The following CFAP54 variants were observed in gnomAD, a reference collection of about 807,000 sequenced individuals.
The protein encoded by CFAP54 is cilia- and flagella-associated protein 54.
In CFAP54, 290 loss-of-function variants were observed where a neutral mutation model predicts 370.4. The ratio of observed to expected loss-of-function variants is 0.78; its 90% CI spans 0.71 to 0.86. The LOEUF (loss-of-function observed/expected upper bound fraction) is 0.86, where lower values mean the gene tolerates loss of function less well. Ranked by LOEUF, CFAP54 falls within the 40% of genes least tolerant of loss-of-function variation. CFAP54 has a pLI of 0.00. For synonymous variants in CFAP54, 1,206 were observed against 1,236.5 expected (o/e 0.98, Z 0.52); for missense variants, 3,399 against 3,528.7 (o/e 0.96, Z 0.93).
intron 65 of CFAP54, among the ~76,000 whole-genome samples, chr12:96,822,170 T>A (rs145116189): frequency 6.6e-6 from 1 of 152,206 alleles, no homozygotes; most frequent in African/African-American, 2.4e-5. Context: ...TGGCTGTGAA[T>A]GGCTGAGTTA....
intron 55 of CFAP54, among the ~76,000 whole-genome samples, chr12:96,752,019 G>A (rs368616409): frequency 1.3e-5 from 2 of 149,290 alleles, no homozygotes; most frequent in East Asian, 2.0e-4. Flanking sequence ...TGTCATCTCC[G>A]TATTCTCATC....
At chr12:96,614,262 T>C (rs928828879) in intron 26 of CFAP54, among the ~76,000 whole-genome samples, 19 of 152,080 alleles carry the variant, frequency 1.2e-4, no homozygotes, top group Admixed American at 2.6e-4. Flanking sequence ...AAGACAAAAA[T>C]CACATGATTA....
intron 1 of CFAP54, among the ~76,000 whole-genome samples, chr12:96,494,755 T>G (rs2136342225): frequency 6.6e-6 from 1 of 151,890 alleles, no homozygotes; most frequent in Middle Eastern, 3.4e-3. Context: ...TGAGACAGAG[T>G]CTTGCTCTGT....
intron 39 of CFAP54, among the ~76,000 whole-genome samples, chr12:96,664,459 A>G (rs1378446625): frequency 1.3e-5 from 2 of 151,964 alleles, no homozygotes; most frequent in African/African-American, 2.4e-5. Flanking sequence ...CAAGGACATG[A>G]TCTAATTCTT....
chr12:96,825,434 A>G (rs1442431081), intron 65 of CFAP54, among the ~76,000 whole-genome samples: 2 of 118,186 alleles, frequency 1.7e-5, no homozygotes, highest in African/African-American at 6.9e-5. Context: ...TATATTATAT[A>G]TAATATATGT....
chr12:96,543,923 T>C (rs973559800), intron 14 of CFAP54, among the ~76,000 whole-genome samples: 5 of 152,190 alleles, frequency 3.3e-5, no homozygotes, highest in African/African-American at 9.7e-5. Flanking sequence ...CCAGAATTGA[T>C]ATAAGCCCCA....
chr12:96,546,427 T>A (rs1470657167), intron 14 of CFAP54, among the ~76,000 whole-genome samples: 2 of 152,232 alleles, frequency 1.3e-5, no homozygotes, highest in Non-Finnish European at 2.9e-5. Context: ...GTTTGTTTAT[T>A]TATTTTCCAC....
intron 66 of CFAP54, among the ~76,000 whole-genome samples, chr12:96,835,309 C>G (rs1959182623): frequency 6.6e-6 from 1 of 152,108 alleles, no homozygotes; most frequent in Non-Finnish European, 1.5e-5. Context: ...GTCCGATCGT[C>G]TACTCTGCCC....
intron 42 of CFAP54, 146 bp from the exon 43 acceptor site, chr12:96,688,765 TTAATA>T (rs1218433811): frequency 2.2e-6 from 1 of 463,960 alleles, no homozygotes; most frequent in Non-Finnish European, 3.7e-6. Flanking sequence ...TTTATCTTCT[TTAATA>T]TATTTTCCTT....
At chr12:96,649,234 T>C (rs1956831881) in intron 34 of CFAP54, among the ~76,000 whole-genome samples, 1 of 152,216 alleles carries the variant, frequency 6.6e-6, no homozygotes, top group Non-Finnish European at 1.5e-5. Context: ...CATATCATAC[T>C]GTGTATAGTG....
intron 60 of CFAP54, among the ~76,000 whole-genome samples, chr12:96,777,143 G>GA (rs201541354): frequency 2.0e-5 from 3 of 150,728 alleles, no homozygotes; most frequent in Non-Finnish European, 3.0e-5. Context: ...GGCAGTCCAT[G>GA]AAAAAAAAAG....
At chr12:96,674,141 G>C (rs557214475) in intron 39 of CFAP54, among the ~76,000 whole-genome samples, 22 of 152,200 alleles carry the variant, frequency 1.4e-4, no homozygotes, top group African/African-American at 3.6e-4. Flanking sequence ...CAGGTGTGTT[G>C]GAATTTTCAG....
chr12:96,601,432 T>C (rs957943781), intron 26 of CFAP54, among the ~76,000 whole-genome samples: 2 of 152,232 alleles, frequency 1.3e-5, no homozygotes, highest in African/African-American at 4.8e-5. Context: ...TTGTTGTGTC[T>C]CTGCTAGGCT....
chr12:96,821,216 T>C (rs1959029605), intron 65 of CFAP54, among the ~76,000 whole-genome samples: 1 of 152,128 alleles, frequency 6.6e-6, no homozygotes, highest in African/African-American at 2.4e-5. Context: ...CAGATGTAGG[T>C]ATCAAATTCA....
chr12:96,741,835 CAG>C (rs926531733), intron 51 of CFAP54, among the ~76,000 whole-genome samples: 8 of 152,254 alleles, frequency 5.3e-5, no homozygotes, highest in Admixed American at 3.3e-4. Context: ...CAGCATGACA[CAG>C]TGGATTAAGA....
chr12:96,602,071 C>T (rs1240784741), intron 26 of CFAP54, among the ~76,000 whole-genome samples: 1 of 152,032 alleles, frequency 6.6e-6, no homozygotes, highest in Non-Finnish European at 1.5e-5. Context: ...TTAGATCTTC[C>T]CTGCTTTCTC....
chr12:96,807,369 C>T (rs1163043290), intron 63 of CFAP54, among the ~76,000 whole-genome samples: 1 of 152,068 alleles, frequency 6.6e-6, no homozygotes, highest in Non-Finnish European at 1.5e-5. Context: ...TACCATATGC[C>T]AGGTATTTTC....
At chr12:96,786,291 C>T (rs758835096) in intron 61 of CFAP54, among the ~76,000 whole-genome samples, 8 of 149,752 alleles carry the variant, frequency 5.3e-5, no homozygotes, top group Non-Finnish European at 7.4e-5. Context: ...AGTGATTCTT[C>T]TGCCTCAGGC....
chr12:96,499,013 C>T (rs1954991449), intron 1 of CFAP54, among the ~76,000 whole-genome samples: 3 of 152,050 alleles, frequency 2.0e-5, no homozygotes, highest in Admixed American at 2.0e-4. Flanking sequence ...GAGTCTTGCT[C>T]TTTTGCCCAG....
Sources: gnomAD v4.1 joint callset for allele counts (sites outside exome capture counted in the v4.1 genomes callset) on GRCh38, gnomAD v4.1.1 for gene constraint, MANE v1.5 for transcripts, NCBI Gene and HGNC (gene_info 2026-07-23, HGNC 2026-07-21) for gene names.